SLC29A3: variants seen among roughly 807,000 people sequenced by gnomAD.
The protein encoded by SLC29A3 is equilibrative nucleoside transporter 3.
Under a neutral mutation model 25.4 loss-of-function variants are expected in SLC29A3, and 18 were observed. The ratio of observed to expected loss-of-function variants is 0.71; its 90% CI spans 0.49 to 1.05. The LOEUF is 1.05. Ranked by LOEUF, SLC29A3 falls within the 50% of genes least tolerant of loss-of-function variation. The pLI is 0.00. For synonymous variants in SLC29A3, 258 were observed against 267.1 expected, an observed-to-expected ratio of 0.97 and a Z score of 0.33; for missense variants, 586 against 609.0, an observed-to-expected ratio of 0.96 and a Z score of 0.40.
intron 3 of SLC29A3, among the ~76,000 whole-genome samples, chr10:71,371,752 C>A (rs1354269314): frequency 6.6e-6 from 1 of 152,180 alleles, no homozygotes; most frequent in Non-Finnish European, 1.5e-5. Flanking sequence ...GTGTGTCTAT[C>A]CTCATGGGAT....
chr10:71,362,052 T>G lies in SLC29A3; in HGVS notation c.872T>G (p.Ile291Ser). The G allele has an allele frequency of 6.2e-7, 1 of 1,614,108 alleles. No homozygotes were observed. Among genetic ancestry groups the G allele is most frequent in the East Asian group, 2.2e-5 (1 of 44,880 alleles). Residue 291 changes from isoleucine (I) to serine (S), a missense_variant, in exon 6 of 6, where the codon ATT becomes AGT. Transcript: ENST00000373189. ...GCCCCTTCGGTGGCCTCCAGATTCA[T>G]TGATTCCCACACACCCCCTCTCCGC... ...LSAPSVASRF[I>S]DSHTPPLRPI...
intron 2 of SLC29A3, among the ~76,000 whole-genome samples, chr10:71,328,511 T>C (rs1050550001): frequency 2.6e-5 from 4 of 152,220 alleles, no homozygotes; most frequent in African/African-American, 7.2e-5. Context: ...GGAACTGTTA[T>C]CATCCACCAT....
rs75036472 is a variant in SLC29A3, at chr10:71,321,379, A to G, written c.2-1377A>G. On this transcript the variant is annotated intron_variant, in intron 1 of 5. Transcript: ENST00000373189. ...TGCTTTGAGTTAGGCTTAGCCTCCT[A>G]TAGAAACCAAGATGCATTTATTTAT... is the stretch of plus-strand genomic sequence containing the variant. Among the ~76,000 whole-genome samples, 682 of 152,340 alleles carry G rather than the reference A, an allele frequency of 4.5e-3. 4 individuals are homozygous for G. The highest frequency in any genetic ancestry group is 5.8e-3 in the Admixed American group (89 of 15,302).
At chr10:71,333,211 G>A (rs558383421) in intron 2 of SLC29A3, among the ~76,000 whole-genome samples, 6 of 152,382 alleles carry the variant, frequency 3.9e-5, no homozygotes, top group African/African-American at 1.4e-4. Context: ...AGCACTGGGT[G>A]CCTGGGACCT....
intron 1 of SLC29A3, among the ~76,000 whole-genome samples, chr10:71,321,058 CTAATA>C (rs934827396): frequency 2.0e-5 from 3 of 152,162 alleles, no homozygotes; most frequent in Non-Finnish European, 4.4e-5. Context: ...AGAGTAGTAC[CTAATA>C]TATTAGGCTG....
rs1845884382 is a variant in SLC29A3, at chr10:71,322,911, A to G, written c.157A>G (p.Thr53Ala). The G allele has an allele frequency of 6.2e-7, 1 of 1,614,208 alleles. No homozygotes were observed. Among genetic ancestry groups the G allele is most frequent in the Non-Finnish European group, 8.5e-7 (1 of 1,180,048 alleles). Residue 53 changes from threonine (T) to alanine (A), a missense_variant, in exon 2 of 6, where the codon ACA becomes GCA. Transcript: ENST00000373189. ...LQRPEDRFCGTYIIFFSLGIG... is the reference protein window; with the variant it reads ...LQRPEDRFCGAYIIFFSLGIG... ...GAGGCCCGAGGACCGCTTCTGTGGCACATACATCATCTTCTTCAGCCTGGG... is the reference window on the plus strand; with the variant it reads ...GAGGCCCGAGGACCGCTTCTGTGGCGCATACATCATCTTCTTCAGCCTGGG...
At chr10:71,319,360 C>G (rs1374131959) in intron 1 of SLC29A3, 50 bp downstream of exon 1, 3 of 612,396 alleles carry the variant, frequency 4.9e-6, no homozygotes, top group Non-Finnish European at 8.7e-6. Context: ...CGGCCGCCCC[C>G]AGACTCGCGC....
At chr10:71,378,327 C>T (rs1397943523) in intron 4 of SLC29A3, among the ~76,000 whole-genome samples, 4 of 152,148 alleles carry the variant, frequency 2.6e-5, no homozygotes, top group African/African-American at 7.2e-5. Context: ...AGCTTCTCTG[C>T]GGTTCTCCTC....
chr10:71,379,834 G>A (rs1847289283), exon 5 of SLC29A3: 2 of 152,170 alleles, frequency 1.3e-5, no homozygotes, highest in African/African-American at 4.8e-5. Flanking sequence ...GCACTTTGTG[G>A]ACACTGCTGG....
intron 4 of SLC29A3, among the ~76,000 whole-genome samples, chr10:71,377,291 C>A (rs1161099213): frequency 6.6e-6 from 1 of 152,194 alleles, no homozygotes; most frequent in East Asian, 1.9e-4. Flanking sequence ...CTGGAGACGC[C>A]CACGGCAGTG....
intron 2 of SLC29A3, among the ~76,000 whole-genome samples, chr10:71,325,562 C>A (rs1270031779): frequency 2.0e-5 from 3 of 152,212 alleles, no homozygotes; most frequent in Non-Finnish European, 4.4e-5. Flanking sequence ...CCTCAACTCC[C>A]CCCATGATCT....
chr10:71,328,737 G>A (rs921495628), intron 2 of SLC29A3, among the ~76,000 whole-genome samples: 4 of 152,200 alleles, frequency 2.6e-5, no homozygotes, highest in African/African-American at 9.7e-5. Flanking sequence ...GAGTCACAGT[G>A]GCTACCAGTA....
intron 2 of SLC29A3, among the ~76,000 whole-genome samples, chr10:71,337,989 T>A (rs146175304): frequency 1.3e-5 from 2 of 152,224 alleles, no homozygotes; most frequent in African/African-American, 4.8e-5. Context: ...CTTCTCACCA[T>A]AGCGAGCAAC....
At chr10:71,375,110 T>C (rs765177616) in intron 3 of SLC29A3, among the ~76,000 whole-genome samples, 1 of 152,220 alleles carries the variant, frequency 6.6e-6, no homozygotes, top group Non-Finnish European at 1.5e-5. Context: ...GCAAAAACCC[T>C]ATCAGATATT....
chr10:71,369,848 G>A (rs1394783584), intron 3 of SLC29A3, among the ~76,000 whole-genome samples: 1 of 152,226 alleles, frequency 6.6e-6, no homozygotes, highest in Admixed American at 6.5e-5. Flanking sequence ...TTAGAATTCA[G>A]ACCAGAGCTA....
At chr10:71,365,231 CAAAAAGAA>C (rs1445327354), downstream of SLC29A3, 1 of 151,662 alleles carries the variant, frequency 6.6e-6, no homozygotes, top group Admixed American at 6.6e-5. Context: ...AACTCCGTCT[CAAAAAGAA>C]AAAAAGAAAG....
At position 71,319,270 on chromosome 10, in the gene SLC29A3, C is replaced by A. The variant is rs1028966922; in HGVS notation, c.-40C>A. 2 of 616,232 alleles carry A rather than the reference C, an allele frequency of 3.2e-6. No homozygotes were observed. Among genetic ancestry groups the A allele is most frequent in the South Asian group, 3.5e-5 (2 of 57,364 alleles). The allele number at this position is 616,232 out of a possible 1,614,324, so 38.2% of individuals were successfully genotyped here. A position where few individuals can be genotyped will look rare whatever the true frequency, so the allele number is the denominator to read the frequency against. On this transcript the variant is annotated 5_prime_UTR_variant, in exon 1 of 6. Coordinates refer to ENST00000373189, the MANE Select transcript of SLC29A3 (RefSeq NM_018344.6). ...CGCCTGCCAAGCCCAGTGGTCCTGGCCGTGCGCCGGAGGCAGCGGCGGCGT... is the reference window on the plus strand; with the variant it reads ...CGCCTGCCAAGCCCAGTGGTCCTGGACGTGCGCCGGAGGCAGCGGCGGCGT...
At chr10:71,336,750 G>A (rs1161908943) in intron 2 of SLC29A3, among the ~76,000 whole-genome samples, 2 of 151,954 alleles carry the variant, frequency 1.3e-5, no homozygotes, top group Non-Finnish European at 2.9e-5. Flanking sequence ...TGGAAAGGAG[G>A]TGTGCTCCAG....
At chr10:71,351,220 A>G (rs780666) in intron 3 of SLC29A3, among the ~76,000 whole-genome samples, 1 of 152,018 alleles carries the variant, frequency 6.6e-6, no homozygotes, top group Non-Finnish European at 1.5e-5. Context: ...TGAACCTCAC[A>G]GCAAGGTGAA....
Sources: gnomAD v4.1 joint callset for allele counts (sites outside exome capture counted in the v4.1 genomes callset) on GRCh38, gnomAD v4.1.1 for gene constraint, MANE v1.5 for transcripts, NCBI Gene and HGNC (gene_info 2026-07-23, HGNC 2026-07-21) for gene names.